FCHSD1: variants seen among roughly 807,000 people sequenced by gnomAD.
FCHSD1 encodes FCH and double SH3 domains 1.
Under a neutral mutation model 101.3 loss-of-function variants are expected in FCHSD1, and 109 were observed. That is an observed-to-expected ratio of 1.08 (90% CI 0.92 to 1.26). The LOEUF is 1.26. Ranked by LOEUF, FCHSD1 falls within the 50% of genes most tolerant of loss-of-function variation. The pLI is 0.00. For synonymous variants in FCHSD1, 291 were observed against 356.8 expected, an observed-to-expected ratio of 0.82 and a Z score of 2.08; for missense variants, 820 against 895.8, an observed-to-expected ratio of 0.92 and a Z score of 1.08.
In FCHSD1 at chr5:141,645,874, A is replaced by ACATCTAAGC; in HGVS notation, c.1199_1207dup (p.Gly400_Asp402dup). ...CATGGCTGGCTTCAGCCAGCGCTCC[A>ACATCTAAGC]CATCTAAGCCAGCCCCCTGCAGCAG... On this transcript the variant is annotated inframe_insertion, in exon 13 of 20. Transcript: ENST00000435817. 5 of 1,589,908 alleles carry ACATCTAAGC rather than the reference A, an allele frequency of 3.1e-6. No individual in the cohort carries two copies. Among genetic ancestry groups the ACATCTAAGC allele is most frequent in the Non-Finnish European group, 4.3e-6 (5 of 1,168,066 alleles).
At position 141,647,225 on chromosome 5, in the gene FCHSD1, G is replaced by T. The variant is rs1288563032; in HGVS notation, c.834C>A (p.Ser278Arg). ...GAAACAGCTTCAGGTCTTGCTCCCA[G>T]CTTACCTAGGGGTTGGGAAAAGTCA... ...HRGEQTTSQV[S>R]WEQDLKLFLQ... is the part of the protein sequence containing the mutation. The change falls in exon 10 of 20, where the codon AGC (serine) becomes AGA (arginine). Residue 278 changes from serine to arginine, a missense_variant. Transcript: ENST00000435817. The T allele has an allele frequency of 6.2e-7, 1 of 1,604,028 alleles. No individual in the cohort carries two copies. The highest frequency in any genetic ancestry group is 8.5e-7 in the Non-Finnish European group (1 of 1,175,190).
chr5:141,646,759 G>T, intron 10 of FCHSD1, 37 bp from the exon 11 acceptor site: 1 of 1,602,374 alleles, frequency 6.2e-7, no homozygotes, highest in Non-Finnish European at 8.5e-7. Flanking sequence ...GAGGACCTGA[G>T]GCTGCTCCTT....
intron 18 of FCHSD1, chr5:141,642,373 CAG>C: frequency 1.5e-6 from 1 of 686,792 alleles, no homozygotes; most frequent in South Asian, 1.6e-5. Context: ...GGAGTAGAGG[CAG>C]GGGCGAGGGT....
In FCHSD1 at chr5:141,640,287, G is replaced by A. The variant is rs2099906687; in HGVS notation, c.*1211C>T. 1 of 1,613,852 alleles carries A rather than the reference G, an allele frequency of 6.2e-7. No homozygotes were observed. The highest frequency in any genetic ancestry group is 8.5e-7 in the Non-Finnish European group (1 of 1,179,860). On this transcript the variant is annotated 3_prime_UTR_variant, in exon 20 of 20. Transcript: ENST00000435817. ...GCAGCCAAGCAAACCAGACACTTCT[G>A]ATCACCAGGTAGGAAAACACAGCCG...
intron 17 of FCHSD1, 117 bp from the exon 18 acceptor site, chr5:141,643,205 A>C: frequency 1.8e-5 from 12 of 675,374 alleles, no homozygotes; most frequent in Middle Eastern, 4.1e-4. Flanking sequence ...AAGTGGCCAA[A>C]TGCTTGCATT....
intron 18 of FCHSD1, chr5:141,642,638 G>C (rs149927716): frequency 0.012 from 6,328 of 542,442 alleles, 64 homozygotes; most frequent in Non-Finnish European, 0.015. Flanking sequence ...GACACCGTGA[G>C]AGAAGTTAGC....
Position 141,640,091 on chromosome 5 carries a change from G to C in FCHSD1, c.*1407C>G. ...CTGCCATGGAGAGGCTGCCCCCTGAGAGGCCACAGCCCCAGGTCCTAGCCA... is the reference window on the plus strand; with the variant it reads ...CTGCCATGGAGAGGCTGCCCCCTGACAGGCCACAGCCCCAGGTCCTAGCCA... On this transcript the variant is annotated 3_prime_UTR_variant, in exon 20 of 20. Transcript: ENST00000435817. 6.2e-7 allele frequency: 1 copy of C among 1,613,630 alleles called. No homozygotes were observed. Among genetic ancestry groups the C allele is most frequent in the South Asian group, 1.1e-5 (1 of 91,080 alleles).
At chr5:141,650,136 A>G (rs1261661394) in intron 3 of FCHSD1, among the ~76,000 whole-genome samples, 182 bp from the exon 4 acceptor site, 3 of 152,198 alleles carry the variant, frequency 2.0e-5, no homozygotes, top group African/African-American at 7.2e-5. Context: ...AAGGTAAGGT[A>G]TTATTATTAT....
intron 14 of FCHSD1, 25 bp downstream of exon 14, chr5:141,644,995 C>G (rs1255465496): frequency 6.2e-7 from 1 of 1,613,764 alleles, no homozygotes; most frequent in Non-Finnish European, 8.5e-7. Flanking sequence ...CCTTGCCCAT[C>G]AGAGGTCCCC....
At chr5:141,641,862 G>T (rs1004966635) in intron 18 of FCHSD1, 105 bp from the exon 19 acceptor site, 4 of 1,166,386 alleles carry the variant, frequency 3.4e-6, no homozygotes, top group Admixed American at 2.0e-5. Context: ...TAAATTAATG[G>T]TCACCATCCT....
intron 18 of FCHSD1, chr5:141,642,187 A>G (rs1562383924): frequency 3.7e-6 from 2 of 536,050 alleles, no homozygotes; most frequent in Non-Finnish European, 6.6e-6. Flanking sequence ...GAATGAAATC[A>G]TGTCCTCTGC....
rs564470861 is a variant in FCHSD1, at chr5:141,643,111, G to GT, written c.1864-24dup. On this transcript the variant is annotated intron_variant, in intron 17 of 19. Transcript: ENST00000435817. ...CATCTGGAGGTGGGGTGGGCACAGA[G>GT]TTATTCCTGGCATGTGGGGAGGTTT... The GT allele has an allele frequency of 3.4e-4, 477 of 1,422,760 alleles. 1 individual carries two copies. The African/African-American group carries it at 6.4e-3, about 19-fold the overall frequency. The allele number at this position is 1,422,760 out of a possible 1,614,324, so 88.1% of individuals were successfully genotyped here.
chr5:141,649,899 T>C lies in FCHSD1; in HGVS notation c.221A>G (p.Glu74Gly). ...CCATAGGGCCCACCTGCTGTCCATC[T>C]CACCGCTCCGGTGCCCTTCCCTCTT... ...FLKREGHRSGEMDSRGRTVFG... is the reference protein window; with the variant it reads ...FLKREGHRSGGMDSRGRTVFG... The change falls in exon 4 of 20, where the codon GAG becomes GGG. Residue 74 changes from glutamate (E) to glycine (G), a missense_variant. Physicochemically the swap from Glu to Gly is moderately conservative, Grantham distance 98. Coordinates refer to ENST00000435817, the MANE Select transcript of FCHSD1 (RefSeq NM_033449.3). The surrounding 1 kb of genome is among the most constrained non-coding windows in gnomAD (Gnocchi z 4.1). 6.5e-7 allele frequency: 1 copy of C among 1,550,032 alleles called. No homozygotes were observed. Among genetic ancestry groups the C allele is most frequent in the South Asian group, 1.2e-5 (1 of 83,500 alleles).
At position 141,649,436 on chromosome 5, in the gene FCHSD1, C is replaced by T. The variant is rs1490757061; in HGVS notation, c.334G>A (p.Gly112Arg). 6.2e-7 allele frequency: 1 copy of T among 1,614,058 alleles called. No homozygotes were observed. Among genetic ancestry groups the T allele is most frequent in the Non-Finnish European group, 8.5e-7 (1 of 1,179,898 alleles). The change falls in exon 5 of 20, where the codon GGG becomes AGG. Residue 112 changes from glycine to arginine, a missense_variant. Gly to Arg is a moderately radical substitution (Grantham distance 125, BLOSUM62 -2). Transcript: ENST00000435817. This position sits in a 1 kb window ranked among gnomAD's most constrained non-coding sequence, Gnocchi z 4.1. ...QASDRYRDLA[G>R]GTGRSAKEQV... ...TCCTTGGCGCTCCGCCCTGTACCCC[C>T]TGCTAGGTCACGGTATCGGTCAGAC...
chr5:141,642,943 A>T, intron 18 of FCHSD1, 58 bp downstream of exon 18: 1 of 1,509,970 alleles, frequency 6.6e-7, no homozygotes, highest in South Asian at 1.2e-5. Flanking sequence ...TGGGAGTCCA[A>T]GCTTCCTCCT....
In FCHSD1 at chr5:141,644,402, T is replaced by C; in HGVS notation, c.1679A>G (p.Gln560Arg). The C allele has an allele frequency of 1.9e-6, 3 of 1,613,918 alleles. No homozygotes were observed. The highest frequency in any genetic ancestry group is 1.3e-5 in the African/African-American group (1 of 75,052). ...LAQALYSYTG[Q>R]SAEELSFPEG... is the part of the protein sequence containing the mutation. ...AGGGAAGCTCAGCTCCTCTGCACTCTGTCCGGTGTAGCTGTACAGGGCCTG... is the reference window on the plus strand; with the variant it reads ...AGGGAAGCTCAGCTCCTCTGCACTCCGTCCGGTGTAGCTGTACAGGGCCTG... Residue 560 changes from glutamine (Q) to arginine (R), a missense_variant, in exon 17 of 20, where the codon CAG (glutamine) becomes CGG (arginine). Gln to Arg is a conservative substitution (Grantham distance 43). Coordinates refer to ENST00000435817, the MANE Select transcript of FCHSD1 (RefSeq NM_033449.3).
In FCHSD1 at chr5:141,640,212, G is replaced by A. The variant is rs758833121; in HGVS notation, c.*1286C>T. On this transcript the variant is annotated 3_prime_UTR_variant, in exon 20 of 20. Transcript: ENST00000435817. ...AGCTTCTGCAGAGCCAACACTGAGG[G>A]CCGGAGGGAGGGGCCCAAGCCCAGG... is the stretch of plus-strand genomic sequence containing the variant. 16 of 1,614,066 alleles carry A rather than the reference G, an allele frequency of 9.9e-6. No homozygotes were observed. Among genetic ancestry groups the A allele is most frequent in the Non-Finnish European group, 1.4e-5 (16 of 1,180,024 alleles).
rs376029257 is a variant in FCHSD1, at chr5:141,646,692, C to T, written c.955G>A (p.Val319Met). The T allele has an allele frequency of 8.1e-6, 13 of 1,613,282 alleles. No individual in the cohort carries two copies. The highest frequency in any genetic ancestry group is 4.5e-5 in the East Asian group (2 of 44,872). Residue 319 changes from valine (V) to methionine (M), a missense_variant, in exon 11 of 20, where the codon GTG becomes ATG. Coordinates refer to ENST00000435817, the MANE Select transcript of FCHSD1 (RefSeq NM_033449.3). ...VCVLEWGAEGVAGKSGLEKEV... is the reference protein window; with the variant it reads ...VCVLEWGAEGMAGKSGLEKEV... ...TTCTCCAGGCCACTCTTGCCAGCCA[C>T]GCCTTCTGCTCCCCACTCCAGGACA...
At chr5:141,650,336 A>G (rs1298694145) in intron 3 of FCHSD1, 23 bp downstream of exon 3, 1 of 1,613,514 alleles carries the variant, frequency 6.2e-7, no homozygotes, top group Non-Finnish European at 8.5e-7. Context: ...ACAAGAGGTA[A>G]GGTCCAGAGA....
Sources: allele counts gnomAD v4.1 joint callset (sites outside exome capture counted in the v4.1 genomes callset), GRCh38; gene constraint gnomAD v4.1.1; non-coding constraint Gnocchi (gnomAD v3.1); transcripts MANE v1.5; gene names NCBI Gene and HGNC (gene_info 2026-07-23, HGNC 2026-07-21).